The following CMIP variants were observed in gnomAD, a reference collection of about 807,000 sequenced individuals.
CMIP encodes the protein C-Maf-inducing protein.
Under a neutral mutation model 97.3 loss-of-function variants are expected in CMIP, and 13 were observed. The observed-to-expected ratio is 0.13, with a 90% CI of 0.09 to 0.21. The LOEUF (loss-of-function observed/expected upper bound fraction) is 0.21, where lower values mean the gene tolerates loss of function less well. Ranked by LOEUF, CMIP falls within the 10% of genes least tolerant of loss-of-function variation. The pLI, the probability that CMIP is intolerant of heterozygous loss-of-function variation, is 1.00. For synonymous variants in CMIP, 538 were observed against 436.3 expected (o/e 1.23, Z -2.91); for missense variants, 847 against 1,024.9 (o/e 0.83, Z 2.37).
intron 1 of CMIP, among the ~76,000 whole-genome samples, chr16:81,527,584 C>T (rs915508868): frequency 2.9e-4 from 44 of 152,212 alleles, no homozygotes. Flanking sequence ...CATCCTCAGA[C>T]TTTTCCCAGA....
intron 1 of CMIP, among the ~76,000 whole-genome samples, chr16:81,568,765 T>G (rs2287112): frequency 0.04 from 6,091 of 152,242 alleles, 203 homozygotes; most frequent in East Asian, 0.12. Context: ...AAGTGACCCT[T>G]GAGCGTGGAA....
chr16:81,648,369 C>T (rs997297566), intron 3 of CMIP, among the ~76,000 whole-genome samples: 2 of 151,994 alleles, frequency 1.3e-5, no homozygotes, highest in Admixed American at 6.6e-5. Context: ...TGCAGCTGGC[C>T]ACCCCCTCAG....
At chr16:81,705,653 C>G (rs1280598799) in intron 19 of CMIP, 49 bp downstream of exon 19, 1 of 1,270,172 alleles carries the variant, frequency 7.9e-7, no homozygotes, top group Admixed American at 2.0e-5. Flanking sequence ...TTGATTCATT[C>G]CTTCCTTGCT....
At chr16:81,604,639 G>T (rs957075120) in intron 1 of CMIP, among the ~76,000 whole-genome samples, 1 of 152,176 alleles carries the variant, frequency 6.6e-6, no homozygotes, top group African/African-American at 2.4e-5. Context: ...GGCAGAAGTT[G>T]CAGTGAGCCG....
chr16:81,666,320 G>A (rs2092602863), intron 7 of CMIP: 1 of 152,222 alleles, frequency 6.6e-6, no homozygotes, highest in East Asian at 1.9e-4. Flanking sequence ...ATACTTGGCA[G>A]AGGAATGCCT....
chr16:81,688,750 C>T (rs1028937964), intron 10 of CMIP, among the ~76,000 whole-genome samples: 2 of 152,096 alleles, frequency 1.3e-5, no homozygotes, highest in Admixed American at 6.6e-5. Flanking sequence ...TGTTGATGTG[C>T]TGCACCCATT....
chr16:81,586,626 TTC>T (rs150986384), intron 1 of CMIP, among the ~76,000 whole-genome samples: 3 of 152,078 alleles, frequency 2.0e-5, no homozygotes, highest in Non-Finnish European at 4.4e-5. Flanking sequence ...CTCCTTCAAC[TTC>T]TCTCTCTCTG....
chr16:81,580,505 C>G (rs2091278508), intron 1 of CMIP, among the ~76,000 whole-genome samples: 1 of 149,292 alleles, frequency 6.7e-6, no homozygotes, highest in South Asian at 2.3e-4. Context: ...GTGATCTCGG[C>G]TCACTGCAAC....
At chr16:81,485,268 G>A (rs2089297583) in intron 1 of CMIP, among the ~76,000 whole-genome samples, 1 of 152,186 alleles carries the variant, frequency 6.6e-6, no homozygotes, top group South Asian at 2.1e-4. Flanking sequence ...CTCCTTGTGA[G>A]CTCATATCTG....
At chr16:81,607,101 A>G (rs896344416) in intron 1 of CMIP, 8 of 155,482 alleles carry the variant, frequency 5.1e-5, no homozygotes, top group Admixed American at 5.1e-4. Flanking sequence ...GTTGAGGAGG[A>G]GGGTGGGGCT....
intron 1 of CMIP, among the ~76,000 whole-genome samples, chr16:81,491,121 A>G (rs2089399119): frequency 6.6e-6 from 1 of 152,076 alleles, no homozygotes; most frequent in African/African-American, 2.4e-5. Flanking sequence ...TTCCTGACCC[A>G]TGTGGGGTCT....
chr16:81,534,871 C>A (rs1357077967), intron 1 of CMIP, among the ~76,000 whole-genome samples: 1 of 152,154 alleles, frequency 6.6e-6, no homozygotes, highest in Non-Finnish European at 1.5e-5. Flanking sequence ...GCTAAGTTTC[C>A]TTTTAGGCTT....
chr16:81,662,180 A>G (rs1464480528), intron 6 of CMIP, among the ~76,000 whole-genome samples: 1 of 152,028 alleles, frequency 6.6e-6, no homozygotes, highest in South Asian at 2.1e-4. Context: ...CACCTCCTCC[A>G]TCTCCTGTCC....
rs374750900 is a variant in CMIP, at chr16:81,579,825, G to A, written c.301-27742G>A. 9.2e-4 allele frequency among the ~76,000 whole-genome samples: 140 copies of A among 152,344 alleles called. No individual in the cohort carries two copies. The Middle Eastern group carries it at 0.02, about 22-fold the overall frequency. ...AAAAAAATTAGCTGGGCGTGGTGGC[G>A]GACGCCTGTAGTCCCAGTTACTCGG... On this transcript the variant is annotated intron_variant, in intron 1 of 20. Transcript: ENST00000537098.
At chr16:81,568,310 C>G (rs2091021177) in intron 1 of CMIP, among the ~76,000 whole-genome samples, 1 of 152,188 alleles carries the variant, frequency 6.6e-6, no homozygotes, top group African/African-American at 2.4e-5. Flanking sequence ...ACTTTCACCT[C>G]TTTCTCCCCA....
At chr16:81,482,581 C>T (rs779951378) in intron 1 of CMIP, among the ~76,000 whole-genome samples, 3 of 152,188 alleles carry the variant, frequency 2.0e-5, no homozygotes, top group African/African-American at 4.8e-5. Context: ...GGTGGACATG[C>T]GTGTCCCAGG....
At chr16:81,495,558 T>C in intron 1 of CMIP, 1 of 1,551,446 alleles carries the variant, frequency 6.4e-7, no homozygotes, top group Non-Finnish European at 8.8e-7. Flanking sequence ...CCTCGCCTGC[T>C]GCTGCTGGCC....
At chr16:81,586,151 G>A (rs944473704) in intron 1 of CMIP, among the ~76,000 whole-genome samples, 12 of 151,878 alleles carry the variant, frequency 7.9e-5, no homozygotes, top group Middle Eastern at 3.4e-3. Flanking sequence ...ACAGCTACTT[G>A]TAGAGACAGC....
At chr16:81,610,259 C>T (rs1344872085) in intron 2 of CMIP, 2 of 964,692 alleles carry the variant, frequency 2.1e-6, no homozygotes, top group Non-Finnish European at 2.5e-6. Flanking sequence ...GCTGTGATGA[C>T]TCGCCTGGCC....
Sources: allele counts gnomAD v4.1 joint callset (sites outside exome capture counted in the v4.1 genomes callset), GRCh38; gene constraint gnomAD v4.1.1; transcripts MANE v1.5; gene names NCBI Gene and HGNC (gene_info 2026-07-23, HGNC 2026-07-21).